The following ERBB4 variants were observed in gnomAD, a reference collection of about 807,000 sequenced individuals.
ERBB4 encodes receptor tyrosine-protein kinase erbB-4.
A neutral mutation model predicts 158.0 loss-of-function variants in ERBB4; 42 were observed. That is an observed-to-expected ratio of 0.27 (90% CI 0.21 to 0.34). The LOEUF is 0.34. Among genes scored for constraint, ERBB4 ranks in the 10% least tolerant of loss-of-function variants. ERBB4 has a pLI of 1.00. For synonymous variants in ERBB4, 583 were observed against 558.7 expected (o/e 1.04, Z -0.61); for missense variants, 1,333 against 1,624.1 (o/e 0.82, Z 3.08).
chr2:211,764,857 A>C (rs1322098168), intron 4 of ERBB4, among the ~76,000 whole-genome samples: 1 of 152,168 alleles, frequency 6.6e-6, no homozygotes, highest in Non-Finnish European at 1.5e-5. Flanking sequence ...AGTTCAACGG[A>C]TTTTAGGAGG....
intron 3 of ERBB4, among the ~76,000 whole-genome samples, chr2:211,863,609 C>T (rs7565414): frequency 1.4e-4 from 21 of 152,182 alleles, no homozygotes; most frequent in Admixed American, 4.6e-4. Context: ...TGAGGATCTG[C>T]AGCTTCACTC....
chr2:212,117,557 A>G (rs1294584693), intron 2 of ERBB4, among the ~76,000 whole-genome samples: 1 of 152,194 alleles, frequency 6.6e-6, no homozygotes, highest in Non-Finnish European at 1.5e-5. Context: ...TGAGTGACAA[A>G]TATACCACTT....
intron 3 of ERBB4, among the ~76,000 whole-genome samples, chr2:211,916,741 G>A (rs2079702757): frequency 6.6e-6 from 1 of 152,192 alleles, no homozygotes; most frequent in African/African-American, 2.4e-5. Flanking sequence ...CCATTTTGCA[G>A]AGTAATTTGA....
rs540063170 is a variant in ERBB4, at chr2:211,587,311, C to T, written c.2302-25223G>A. The stretch of plus-strand genomic sequence containing the variant: ...CAGAGGCTGCAGTGAGCCAAGATCA[C>T]GCCACTGCACTGTAGCCTAGGCAAC... On this transcript the variant is annotated intron_variant, in intron 19 of 27. Transcript: ENST00000342788. Among the ~76,000 whole-genome samples, 22 of 152,176 alleles carry T rather than the reference C, an allele frequency of 1.4e-4. No individual in the cohort carries two copies. In the South Asian group the frequency reaches 3.1e-3, roughly 22 times the overall value.
At chr2:212,051,501 TAA>T (rs1248720690) in intron 2 of ERBB4, among the ~76,000 whole-genome samples, 1 of 152,184 alleles carries the variant, frequency 6.6e-6, no homozygotes, top group Admixed American at 6.5e-5. Context: ...CATAATATAA[TAA>T]AAATTGATGT....
At chr2:211,840,583 G>C (rs1249086236) in intron 3 of ERBB4, among the ~76,000 whole-genome samples, 1 of 152,018 alleles carries the variant, frequency 6.6e-6, no homozygotes, top group Non-Finnish European at 1.5e-5. Flanking sequence ...AGGTTCTTCA[G>C]AACTATTGAG....
chr2:212,006,718 T>A (rs1346020395), intron 2 of ERBB4, among the ~76,000 whole-genome samples: 3 of 152,022 alleles, frequency 2.0e-5, no homozygotes, highest in Non-Finnish European at 4.4e-5. Context: ...TATACCAAAT[T>A]TCTATAGATT....
At chr2:212,217,769 A>C (rs569623975) in intron 1 of ERBB4, among the ~76,000 whole-genome samples, 21 of 151,450 alleles carry the variant, frequency 1.4e-4, no homozygotes, top group African/African-American at 5.1e-4. Flanking sequence ...GAGTCTTGAT[A>C]GTTTTTATAA....
rs1036815476 is a variant in ERBB4, at chr2:212,057,784, T to G, written c.234+66968A>C. Among the ~76,000 whole-genome samples the G allele has an allele frequency of 1.2e-4, 19 of 152,284 alleles. No individual in the cohort carries two copies. In the South Asian group the frequency reaches 3.9e-3, roughly 32 times the overall value. ...TCTCTGGGACACATTCAAAGCAGTG[T>G]GTAGAGGGAAATTTATAGCACTAAA... On this transcript the variant is annotated intron_variant, in intron 2 of 27. Transcript: ENST00000342788.
chr2:211,626,947 TA>T (rs1160819132), intron 17 of ERBB4, among the ~76,000 whole-genome samples: 436 of 34,280 alleles, frequency 0.013, 1 homozygote, highest in African/African-American at 0.029. Context: ...TAAAAATAAA[TA>T]AAAAAAATAA....
chr2:211,428,504 A>G, intron 21 of ERBB4, 21 bp from the exon 22 acceptor site: 1 of 1,311,310 alleles, frequency 7.6e-7, no homozygotes, highest in Non-Finnish European at 1.1e-6. Flanking sequence ...GTAAGAAGTA[A>G]AAGTTTTAAA....
intron 3 of ERBB4, among the ~76,000 whole-genome samples, chr2:211,841,534 G>A (rs964400385): frequency 4.0e-5 from 6 of 151,836 alleles, no homozygotes; most frequent in South Asian, 2.1e-4. Context: ...TGGCATTAAG[G>A]TAAGGTATAG....
intron 1 of ERBB4, among the ~76,000 whole-genome samples, chr2:212,487,492 A>C (rs1690040438): frequency 6.6e-6 from 1 of 152,098 alleles, no homozygotes; most frequent in South Asian, 2.1e-4. Context: ...CTGTACAGAC[A>C]GAGCTGAAAC....
intron 2 of ERBB4, among the ~76,000 whole-genome samples, chr2:212,014,452 A>T (rs910467005): frequency 1.3e-5 from 2 of 152,218 alleles, no homozygotes; most frequent in Non-Finnish European, 2.9e-5. Context: ...AAACTGGATG[A>T]TTAAATTTGT....
intron 19 of ERBB4, among the ~76,000 whole-genome samples, chr2:211,598,982 C>T (rs1195413756): frequency 6.6e-6 from 1 of 152,128 alleles, no homozygotes; most frequent in Admixed American, 6.5e-5. Flanking sequence ...CTGCATCCAC[C>T]CTCTCAGAAC....
intron 25 of ERBB4, among the ~76,000 whole-genome samples, chr2:211,393,038 G>A (rs1217063728): frequency 1.3e-5 from 2 of 152,034 alleles, no homozygotes; most frequent in African/African-American, 4.8e-5. Context: ...TTAAAAAATT[G>A]AACAAATGGA....
chr2:211,876,556 C>T (rs150842390), intron 3 of ERBB4, among the ~76,000 whole-genome samples: 2,300 of 152,072 alleles, frequency 0.015, 24 homozygotes, highest in Non-Finnish European at 0.024. Context: ...ACTGTGTGTT[C>T]GGTGAGAAAA....
At chr2:211,740,157 T>C (rs2074741155) in intron 5 of ERBB4, among the ~76,000 whole-genome samples, 1 of 152,302 alleles carries the variant, frequency 6.6e-6, no homozygotes, top group South Asian at 2.1e-4. Context: ...AGAACAAAAC[T>C]TGTAGGTATT....
intron 20 of ERBB4, among the ~76,000 whole-genome samples, chr2:211,547,994 A>T (rs1045672526): frequency 2.0e-5 from 3 of 152,098 alleles, no homozygotes; most frequent in African/African-American, 4.8e-5. Flanking sequence ...AAAAGCCTAA[A>T]TGACTCCTCT....
Sources: gnomAD v4.1 joint callset for allele counts (sites outside exome capture counted in the v4.1 genomes callset) on GRCh38, gnomAD v4.1.1 for gene constraint, MANE v1.5 for transcripts, NCBI Gene and HGNC (gene_info 2026-07-23, HGNC 2026-07-21) for gene names.